TARS1: variants seen among roughly 807,000 people sequenced by gnomAD.
TARS1 encodes threonyl-tRNA synthetase 1.
TARS1 carries 57 observed loss-of-function variants against 97.7 expected under a neutral mutation model. The ratio of observed to expected loss-of-function variants is 0.58; its 90% CI spans 0.47 to 0.73. The LOEUF (loss-of-function observed/expected upper bound fraction) is 0.73. Among genes scored for constraint, TARS1 ranks in the 30% least tolerant of loss-of-function variants. TARS1 has a pLI of 0.00. For missense variants in TARS1, 806 were observed against 888.3 expected, an observed-to-expected ratio of 0.91 and a Z score of 1.18; for synonymous variants, 312 against 293.7, an observed-to-expected ratio of 1.06 and a Z score of -0.64.
At chr5:33,459,999 TATATC>T in intron 11 of TARS1, 138 bp downstream of exon 11, 1 of 925,478 alleles carries the variant, frequency 1.1e-6, no homozygotes, top group East Asian at 2.7e-5. Flanking sequence ...ATCTTTGTAT[TATATC>T]TTCTGCACCT....
intron 9 of TARS1, among the ~76,000 whole-genome samples, chr5:33,457,930 A>G (rs1252815010): frequency 3.3e-5 from 5 of 152,116 alleles, no homozygotes; most frequent in Non-Finnish European, 7.4e-5. Flanking sequence ...GTCCTTGGCT[A>G]TTAGGTTATG....
At chr5:33,465,710 C>G (rs1414220928) in intron 17 of TARS1, among the ~76,000 whole-genome samples, 1 of 152,172 alleles carries the variant, frequency 6.6e-6, no homozygotes, top group Non-Finnish European at 1.5e-5. Flanking sequence ...GGCAAAGTCA[C>G]TTAGATTGTT....
chr5:33,462,359 T>G (rs1358063643), intron 16 of TARS1, among the ~76,000 whole-genome samples, 156 bp downstream of exon 16: 2 of 152,190 alleles, frequency 1.3e-5, no homozygotes, highest in Non-Finnish European at 2.9e-5. Flanking sequence ...GGAATCACAA[T>G]CTAAACACAA....
chr5:33,459,953 A>G, intron 11 of TARS1, 92 bp downstream of exon 11: 2 of 1,400,528 alleles, frequency 1.4e-6, no homozygotes, highest in Non-Finnish European at 2.0e-6. Flanking sequence ...TTCATTAAAA[A>G]CAAATTATGT....
rs199693707 is a variant in TARS1, at chr5:33,457,353, G to A, written c.934G>A (p.Glu312Lys). The change falls in exon 9 of 19, where the codon GAG (glutamate) becomes AAG (lysine). Residue 312 changes from glutamate (E) to lysine (K), a missense_variant. Transcript: ENST00000265112. ...FPDPKMLKEW[E>K]KFQEEAKNRD... ...AGATCCTAAAATGTTGAAAGAGTGG[G>A]AGAAGTTCCAAGAGGAAGCTAAAAA... is the stretch of plus-strand genomic sequence containing the variant. 6.2e-6 allele frequency: 10 copies of A among 1,614,096 alleles called. No individual in the cohort carries two copies. The highest frequency in any genetic ancestry group is 3.4e-6 in the Non-Finnish European group (4 of 1,180,010).
At chr5:33,461,524 A>G (rs1473648358) in intron 13 of TARS1, 143 bp from the exon 14 acceptor site, 1 of 969,356 alleles carries the variant, frequency 1.0e-6, no homozygotes, top group Admixed American at 2.8e-5. Flanking sequence ...AGGGGTTGGT[A>G]TGAGCATATG....
intron 5 of TARS1, 109 bp downstream of exon 5, chr5:33,455,175 C>T: frequency 1.5e-6 from 2 of 1,365,004 alleles, no homozygotes; most frequent in South Asian, 2.8e-5. Flanking sequence ...ACTGCTTCTT[C>T]ATCAGGTATG....
At chr5:33,459,603 GA>G in intron 10 of TARS1, 91 bp from the exon 11 acceptor site, 4 of 1,409,786 alleles carry the variant, frequency 2.8e-6, no homozygotes, top group Admixed American at 2.0e-5. Context: ...TCTTTTTCAT[GA>G]GAGAGTATAA....
At chr5:33,441,761 C>T (rs1741114138) in intron 1 of TARS1, 1 of 152,240 alleles carries the variant, frequency 6.6e-6, no homozygotes, top group Non-Finnish European at 1.5e-5. Flanking sequence ...TGTGATCAAC[C>T]TTGTGGTATT....
intron 2 of TARS1, among the ~76,000 whole-genome samples, 193 bp downstream of exon 2, chr5:33,445,597 G>A (rs960523805): frequency 1.3e-5 from 2 of 152,232 alleles, no homozygotes; most frequent in African/African-American, 4.8e-5. Flanking sequence ...AGTTGTTACT[G>A]TAAAAGGAAG....
intron 11 of TARS1, 59 bp from the exon 12 acceptor site, chr5:33,460,843 T>A: frequency 1.3e-6 from 2 of 1,590,536 alleles, no homozygotes; most frequent in Non-Finnish European, 1.7e-6. Flanking sequence ...TAATTAAATA[T>A]AGCATTACAG....
intron 3 of TARS1, among the ~76,000 whole-genome samples, chr5:33,450,009 G>T (rs1056503644): frequency 1.3e-5 from 2 of 152,118 alleles, no homozygotes; most frequent in African/African-American, 4.8e-5. Context: ...GCTAATTAGA[G>T]TTCTTACATT....
In TARS1 at chr5:33,463,178, C is replaced by T. The variant is rs148582864; in HGVS notation, c.1836-575C>T. ...AGGAATGATGGAGAAAAACATTAGC[C>T]TGATGTTTGCAGCATCAGAAGCATT... On this transcript the variant is annotated intron_variant, in intron 16 of 18. Transcript: ENST00000265112. 3.9e-5 allele frequency among the ~76,000 whole-genome samples: 6 copies of T among 152,278 alleles called. No individual in the cohort carries two copies. The East Asian group carries it at 7.7e-4, about 20-fold the overall frequency.
chr5:33,443,633 C>T (rs925706859), intron 1 of TARS1, among the ~76,000 whole-genome samples: 3 of 151,898 alleles, frequency 2.0e-5, no homozygotes, highest in Non-Finnish European at 4.4e-5. Context: ...GCTGGGACTA[C>T]AGGCACCCGC....
chr5:33,442,438 AT>A (rs1741157086), intron 1 of TARS1, among the ~76,000 whole-genome samples: 1 of 150,518 alleles, frequency 6.6e-6, no homozygotes, highest in African/African-American at 2.5e-5. Context: ...CACATATGTA[AT>A]TTTTCCTTCC....
In TARS1 at chr5:33,456,175, G is replaced by A. The variant is rs148464176; in HGVS notation, c.785G>A (p.Arg262Gln). 51 of 1,613,704 alleles carry A rather than the reference G, an allele frequency of 3.2e-5. No individual in the cohort carries two copies. The African/African-American group carries it at 4.8e-4, about 15-fold the overall frequency. The change falls in exon 8 of 19, where the codon CGG becomes CAG. Residue 262 changes from arginine (R) to glutamine (Q), a missense_variant. Transcript: ENST00000265112. Reference protein sequence around the residue: ...YRCGPLIDLCRGPHVRHTGKI... With the variant: ...YRCGPLIDLCQGPHVRHTGKI... Reference sequence around the variant, plus strand: ...TGTGGCCCTTTGATAGATCTCTGCCGGGGTCCTCATGTTAGACACACGGGC... The same window carrying A: ...TGTGGCCCTTTGATAGATCTCTGCCAGGGTCCTCATGTTAGACACACGGGC...
Position 33,467,856 on chromosome 5 carries a change from T to C in TARS1, c.*148T>C, listed in dbSNP as rs889454080. 20 of 759,246 alleles carry C rather than the reference T, an allele frequency of 2.6e-5. No individual in the cohort carries two copies. The African/African-American group carries it at 3.6e-4, about 14-fold the overall frequency. The allele number at this position is 759,246 out of a possible 1,614,324, so 47.0% of individuals were successfully genotyped here. ...GTCAACCTGCAGGCGTAACTATTTT[T>C]GACCTAGTCAGTTTTTAAACAATGT... On this transcript the variant is annotated 3_prime_UTR_variant, in exon 19 of 19. Coordinates refer to ENST00000265112, the MANE Select transcript of TARS1 (RefSeq NM_152295.5).
chr5:33,457,413 A>G lies in TARS1; in HGVS notation c.984+10A>G, dbSNP rs774256226. The G allele has an allele frequency of 6.2e-7, 1 of 1,613,686 alleles. No homozygotes were observed. The highest frequency in any genetic ancestry group is 8.5e-7 in the Non-Finnish European group (1 of 1,179,752). On this transcript the variant is annotated intron_variant, in intron 9 of 18. Coordinates refer to ENST00000265112, the MANE Select transcript of TARS1 (RefSeq NM_152295.5). The stretch of plus-strand genomic sequence containing the variant: ...TAGGAAAATTGGCAGGGTATGTTCA[A>G]GAACAATGATGTGTCTTGACTGAGT...
At chr5:33,457,121 T>C in intron 8 of TARS1, 136 bp from the exon 9 acceptor site, 3 of 971,820 alleles carry the variant, frequency 3.1e-6, no homozygotes, top group Non-Finnish European at 4.5e-6. Flanking sequence ...AGGGGCATTT[T>C]TGAGGATAGA....
Sources: gnomAD v4.1 joint callset for allele counts (sites outside exome capture counted in the v4.1 genomes callset) on GRCh38, gnomAD v4.1.1 for gene constraint, MANE v1.5 for transcripts, NCBI Gene and HGNC (gene_info 2026-07-23, HGNC 2026-07-21) for gene names.